ARB2A: variants seen among roughly 807,000 people sequenced by gnomAD.
The protein encoded by ARB2A is ARB2 cotranscriptional regulator A, also known as cotranscriptional regulator ARB2A.
chr5:94,048,589 T>C, the ARB2A span, among the ~76,000 whole-genome samples: 1 of 152,160 alleles, frequency 6.6e-6, no homozygotes, highest in Non-Finnish European at 1.5e-5. Flanking sequence ...CTTCATGTTC[T>C]CATGAAGTCC....
the ARB2A span, among the ~76,000 whole-genome samples, chr5:93,952,605 C>T: frequency 6.6e-6 from 1 of 152,256 alleles, no homozygotes; most frequent in South Asian, 2.1e-4. Context: ...ATTTCTTTAT[C>T]CTTGACCTTT....
At chr5:93,813,667 C>T in the ARB2A span, among the ~76,000 whole-genome samples, 2 of 152,238 alleles carry the variant, frequency 1.3e-5, no homozygotes, top group Middle Eastern at 3.4e-3. Context: ...CAACTGTCTA[C>T]AAGACAGGAA....
the ARB2A span, among the ~76,000 whole-genome samples, chr5:94,081,776 T>C: frequency 6.6e-6 from 1 of 152,098 alleles, no homozygotes; most frequent in African/African-American, 2.4e-5. Context: ...AGACATACAC[T>C]TGCATTGGGG....
At chr5:93,686,627 A>G in the ARB2A span, among the ~76,000 whole-genome samples, 1 of 152,166 alleles carries the variant, frequency 6.6e-6, no homozygotes, top group Admixed American at 6.5e-5. Flanking sequence ...TCATGGTCCA[A>G]CATTTCATTG....
chr5:93,813,644 G>C, the ARB2A span, among the ~76,000 whole-genome samples: 1 of 152,118 alleles, frequency 6.6e-6, no homozygotes, highest in African/African-American at 2.4e-5. Context: ...AAGAAGATGG[G>C]ACTGTGGGAA....
chr5:93,846,419 T>C, the ARB2A span, among the ~76,000 whole-genome samples: 1 of 151,890 alleles, frequency 6.6e-6, no homozygotes, highest in African/African-American at 2.4e-5. Context: ...GGAGAATTGC[T>C]TGAGCCCAGG....
chr5:93,847,362 C>A, the ARB2A span, among the ~76,000 whole-genome samples: 1 of 152,138 alleles, frequency 6.6e-6, no homozygotes, highest in African/African-American at 2.4e-5. Context: ...ATCAGCAGTT[C>A]TGATTTTAGA....
At chr5:93,986,064 C>G in the ARB2A span, among the ~76,000 whole-genome samples, 4 of 148,286 alleles carry the variant, frequency 2.7e-5, no homozygotes, top group African/African-American at 1.0e-4. Context: ...AGCGCCTCTG[C>G]CCGGCCGCCC....
At chr5:94,074,597 T>C in the ARB2A span, 1 of 1,424,342 alleles carries the variant, frequency 7.0e-7, no homozygotes, top group Non-Finnish European at 9.7e-7. Context: ...TTCCTACACC[T>C]TTATTAGGCA....
the ARB2A span, among the ~76,000 whole-genome samples, chr5:94,037,989 A>T: frequency 6.6e-6 from 1 of 152,142 alleles, no homozygotes; most frequent in Non-Finnish European, 1.5e-5. Context: ...TCCATCAATA[A>T]GAAAACAAGC....
the ARB2A span, among the ~76,000 whole-genome samples, chr5:93,962,480 A>C: frequency 6.6e-6 from 1 of 152,146 alleles, no homozygotes; most frequent in East Asian, 1.9e-4. Flanking sequence ...GTCATTTAAA[A>C]AATGGTTCTT....
At chr5:93,869,928 G>A in the ARB2A span, among the ~76,000 whole-genome samples, 1 of 152,234 alleles carries the variant, frequency 6.6e-6, no homozygotes, top group African/African-American at 2.4e-5. Flanking sequence ...CCTGCGCCCA[G>A]GTGAAATAAA....
At chr5:93,738,716 ATGT>A in the ARB2A span, 1 of 152,224 alleles carries the variant, frequency 6.6e-6, no homozygotes, top group Non-Finnish European at 1.5e-5. Context: ...AAAAGGTCAA[ATGT>A]TGTATGGTTC....
the ARB2A span, among the ~76,000 whole-genome samples, chr5:94,038,652 G>A: frequency 1.3e-5 from 2 of 151,934 alleles, no homozygotes. Flanking sequence ...TTAAATGATA[G>A]TGCATTTCAG....
chr5:94,017,829 A>G, the ARB2A span, among the ~76,000 whole-genome samples: 1 of 152,158 alleles, frequency 6.6e-6, no homozygotes, highest in African/African-American at 2.4e-5. Context: ...CTGTGTCCCC[A>G]ACCAAATCTC....
At chr5:93,846,324 T>G in the ARB2A span, among the ~76,000 whole-genome samples, 4 of 151,012 alleles carry the variant, frequency 2.6e-5, no homozygotes, top group East Asian at 5.9e-4. Context: ...GGTAACATAG[T>G]GAGACCCTGT....
At chr5:93,699,084 G>A in the ARB2A span, among the ~76,000 whole-genome samples, 1 of 152,192 alleles carries the variant, frequency 6.6e-6, no homozygotes, top group Non-Finnish European at 1.5e-5. Context: ...TATGTAGTAA[G>A]CCCTACTCTT....
the ARB2A span, chr5:93,740,527 C>T: frequency 6.6e-6 from 10 of 1,523,612 alleles, no homozygotes; most frequent in African/African-American, 1.4e-5. Flanking sequence ...CCTGGGTTTT[C>T]CCTTCTTCTC....
At chr5:93,835,152 C>T in the ARB2A span, among the ~76,000 whole-genome samples, 7 of 152,170 alleles carry the variant, frequency 4.6e-5, no homozygotes, top group Non-Finnish European at 8.8e-5. Flanking sequence ...CATCACTAAT[C>T]CTTAAATGCC....
Sources: allele counts gnomAD v4.1 joint callset (sites outside exome capture counted in the v4.1 genomes callset), GRCh38; gene constraint gnomAD v4.1.1; transcripts MANE v1.5; gene names NCBI Gene and HGNC (gene_info 2026-07-23, HGNC 2026-07-21).